Variants in PSD3 observed in about 807,000 individuals in gnomAD.
PSD3 encodes the protein PH and SEC7 domain-containing protein 3.
In PSD3, 49 loss-of-function variants were observed where a neutral mutation model predicts 105.5. That is an observed-to-expected ratio of 0.46 (90% CI 0.37 to 0.59). PSD3 has a LOEUF of 0.59. Among genes scored for constraint, PSD3 ranks in the 20% least tolerant of loss-of-function variants. The pLI is 0.00. For missense variants in PSD3, 1,561 were observed against 1,263.8 expected (o/e 1.24, Z -3.57); for synonymous variants, 557 against 457.8 (o/e 1.22, Z -2.77).
At chr8:18,811,678 G>C (rs988022794) in intron 4 of PSD3, among the ~76,000 whole-genome samples, 2 of 152,090 alleles carry the variant, frequency 1.3e-5, no homozygotes, top group African/African-American at 4.8e-5. Flanking sequence ...TAAAATAACA[G>C]CATTCCAAGC....
intron 1 of PSD3, among the ~76,000 whole-genome samples, chr8:18,976,374 C>G (rs1586563082): frequency 6.6e-6 from 1 of 152,194 alleles, no homozygotes; most frequent in East Asian, 1.9e-4. Context: ...ATTGTAGCAT[C>G]TGTGATACCC....
At chr8:18,603,442 G>C (rs1322165624) in intron 11 of PSD3, among the ~76,000 whole-genome samples, 1 of 152,048 alleles carries the variant, frequency 6.6e-6, no homozygotes, top group East Asian at 1.9e-4. Context: ...CTATCCTTTA[G>C]AAGTTCCTTT....
chr8:18,714,035 AT>A (rs1802420073), intron 9 of PSD3, among the ~76,000 whole-genome samples: 1 of 152,214 alleles, frequency 6.6e-6, no homozygotes, highest in South Asian at 2.1e-4. Flanking sequence ...TGGGGAAATG[AT>A]TCCCTATTTA....
At chr8:18,859,466 T>C (rs572790904) in intron 4 of PSD3, among the ~76,000 whole-genome samples, 1 of 152,340 alleles carries the variant, frequency 6.6e-6, no homozygotes, top group African/African-American at 2.4e-5. Flanking sequence ...CAGCTTGTCC[T>C]TTCAAGCTTT....
At chr8:18,862,218 T>C (rs1359759896) in intron 4 of PSD3, among the ~76,000 whole-genome samples, 1 of 152,130 alleles carries the variant, frequency 6.6e-6, no homozygotes, top group African/African-American at 2.4e-5. Context: ...GAGATAGGTA[T>C]TATTCATTTC....
At chr8:18,947,151 T>C (rs184134845) in intron 1 of PSD3, among the ~76,000 whole-genome samples, 8 of 152,188 alleles carry the variant, frequency 5.3e-5, no homozygotes, top group African/African-American at 1.9e-4. Context: ...TGGGACAGAA[T>C]GCCTCTCAAG....
chr8:18,678,892 G>A (rs551661305), intron 9 of PSD3, among the ~76,000 whole-genome samples: 18 of 152,082 alleles, frequency 1.2e-4, no homozygotes, highest in Middle Eastern at 3.4e-3. Flanking sequence ...CCTAATTTAT[G>A]CATCCCTGAA....
At chr8:18,919,251 A>G (rs1023138831) in intron 2 of PSD3, among the ~76,000 whole-genome samples, 6 of 152,138 alleles carry the variant, frequency 3.9e-5, no homozygotes, top group African/African-American at 1.4e-4. Context: ...TGATAGAGAA[A>G]CGCCAGCCAG....
chr8:18,826,624 T>G (rs62498299), intron 4 of PSD3, among the ~76,000 whole-genome samples: 17,989 of 152,264 alleles, frequency 0.12, 1,126 homozygotes, highest in African/African-American at 0.18. Flanking sequence ...CAGCTGATTT[T>G]GGAACATCTA....
intron 11 of PSD3, among the ~76,000 whole-genome samples, chr8:18,615,060 A>T (rs559833064): frequency 6.6e-6 from 1 of 152,150 alleles, no homozygotes; most frequent in Non-Finnish European, 1.5e-5. Context: ...ATGAATTCTA[A>T]ATTTCTTTTC....
intron 8 of PSD3, among the ~76,000 whole-genome samples, chr8:18,780,300 G>A (rs1425233578): frequency 6.6e-6 from 1 of 151,840 alleles, no homozygotes; most frequent in Non-Finnish European, 1.5e-5. Flanking sequence ...GAGTCTACGT[G>A]TCTTTACCAG....
At chr8:18,607,478 A>G (rs1196085799) in intron 11 of PSD3, among the ~76,000 whole-genome samples, 1 of 152,056 alleles carries the variant, frequency 6.6e-6, no homozygotes, top group Non-Finnish European at 1.5e-5. Context: ...CTCACCTCCT[A>G]TGAACCGGCA....
At chr8:18,928,658 TTCTC>T (rs887310387) in intron 2 of PSD3, among the ~76,000 whole-genome samples, 23 of 151,508 alleles carry the variant, frequency 1.5e-4, no homozygotes, top group African/African-American at 4.8e-4. Context: ...TCAGTGGGTG[TTCTC>T]TCTCTCTTTC....
chr8:18,889,344 C>G (rs1468799703), intron 2 of PSD3, among the ~76,000 whole-genome samples: 1 of 152,066 alleles, frequency 6.6e-6, no homozygotes, highest in Non-Finnish European at 1.5e-5. Context: ...GACTGTTCCT[C>G]CCTGGGCTGG....
At chr8:18,773,436 T>C (rs1478400792) in intron 8 of PSD3, among the ~76,000 whole-genome samples, 1 of 152,164 alleles carries the variant, frequency 6.6e-6, no homozygotes, top group Non-Finnish European at 1.5e-5. Flanking sequence ...CTCTGTTCTT[T>C]TTCAAAACTG....
At position 18,762,883 on chromosome 8, in the gene PSD3, C is replaced by G. The variant is rs553618594; in HGVS notation, c.2172+2566G>C. 30 of 1,224,768 alleles carry G rather than the reference C, an allele frequency of 2.4e-5. No homozygotes were observed. The East Asian group carries it at 1.6e-3, about 66-fold the overall frequency. The allele number at this position is 1,224,768 out of a possible 1,614,324, so 75.9% of individuals were successfully genotyped here. A position where few individuals can be genotyped will look rare whatever the true frequency, so the allele number is the denominator to read the frequency against. ...GAAAACAACTACAACAACAAAAAAA[C>G]AGAATTTGGCTTATACTTTTATTTC... On this transcript the variant is annotated intron_variant, in intron 9 of 15. Transcript: ENST00000327040.
intron 1 of PSD3, among the ~76,000 whole-genome samples, chr8:19,069,942 C>A (rs939059631): frequency 2.0e-5 from 2 of 100,072 alleles, no homozygotes; most frequent in African/African-American, 6.0e-5. Context: ...AAAAGCTTTT[C>A]TTTTTTCTTT....
chr8:18,834,118 C>T (rs1364944714), intron 4 of PSD3, among the ~76,000 whole-genome samples: 1 of 152,116 alleles, frequency 6.6e-6, no homozygotes, highest in East Asian at 1.9e-4. Context: ...TCTCACTAAT[C>T]CCTCTAAAAT....
intron 9 of PSD3, among the ~76,000 whole-genome samples, chr8:18,663,611 A>C (rs1198794119): frequency 1.3e-5 from 2 of 152,208 alleles, no homozygotes; most frequent in African/African-American, 4.8e-5. Context: ...CTTTTGCTTC[A>C]CCTTGAGATT....
Sources: gnomAD v4.1 joint callset for allele counts (sites outside exome capture counted in the v4.1 genomes callset) on GRCh38, gnomAD v4.1.1 for gene constraint, MANE v1.5 for transcripts, NCBI Gene and HGNC (gene_info 2026-07-23, HGNC 2026-07-21) for gene names.